Variants in RBP2 observed in about 807,000 individuals in gnomAD.
The protein encoded by RBP2 is retinol-binding protein 2.
Under a neutral mutation model 17.0 loss-of-function variants are expected in RBP2, and 17 were observed. That is an observed-to-expected ratio of 1.00 (90% CI 0.68 to 1.50). RBP2 has a LOEUF of 1.50. RBP2 is among the 40% of genes most tolerant of loss of function. The pLI, the probability that RBP2 is intolerant of heterozygous loss-of-function variation, is 0.00. For missense variants in RBP2, 158 were observed against 168.2 expected (o/e 0.94, Z 0.33); for synonymous variants, 48 against 57.1 (o/e 0.84, Z 0.72).
chr3:139,472,746 A>T (rs1255140155), intron 1 of RBP2, among the ~76,000 whole-genome samples: 1 of 152,204 alleles, frequency 6.6e-6, no homozygotes, highest in South Asian at 2.1e-4. Flanking sequence ...ATGAGAAATA[A>T]TAATTAAATG....
chr3:139,476,416 T>G lies in RBP2; in HGVS notation c.44A>C (p.Glu15Ala). 1 of 1,613,932 alleles carries G rather than the reference T, an allele frequency of 6.2e-7. No homozygotes were observed. Among genetic ancestry groups the G allele is most frequent in the Non-Finnish European group, 8.5e-7 (1 of 1,179,966 alleles). Residue 15 changes from glutamate to alanine, a missense_variant, in exon 1 of 4, where the codon GAA becomes GCA. By Grantham distance (107) the Glu-to-Ala change is moderately radical. Coordinates refer to ENST00000232217, the MANE Select transcript of RBP2 (RefSeq NM_004164.3). ...QNGTWEMESNENFEGYMKALD... is the reference protein window; with the variant it reads ...QNGTWEMESNANFEGYMKALD... ...GGCCTTCATGTAGCCCTCAAAGTTT[T>G]CATTACTCTCCATCTCCCAGGTTCC...
At chr3:139,470,465 C>G (rs557766299) in intron 1 of RBP2, among the ~76,000 whole-genome samples, 4 of 152,140 alleles carry the variant, frequency 2.6e-5, no homozygotes, top group Non-Finnish European at 5.9e-5. Context: ...TCTCTGCTTG[C>G]AATCTTGCCC....
chr3:139,470,725 C>T (rs146262605), intron 1 of RBP2, among the ~76,000 whole-genome samples: 9 of 152,030 alleles, frequency 5.9e-5, no homozygotes, highest in Admixed American at 3.3e-4. Context: ...ACCACAGGAA[C>T]GTGCTACCAG....
intron 2 of RBP2, among the ~76,000 whole-genome samples, chr3:139,461,771 C>G (rs2107871746): frequency 6.6e-6 from 1 of 152,322 alleles, no homozygotes; most frequent in Non-Finnish European, 1.5e-5. Context: ...AGGGCTGCCA[C>G]CTTTCCATGT....
intron 2 of RBP2, among the ~76,000 whole-genome samples, chr3:139,458,706 A>G (rs1378441831): frequency 6.6e-6 from 1 of 152,046 alleles, no homozygotes; most frequent in Admixed American, 6.5e-5. Flanking sequence ...ATCACACAAT[A>G]CGTGACCTTT....
intron 1 of RBP2, among the ~76,000 whole-genome samples, chr3:139,472,135 G>A (rs914854958): frequency 6.6e-6 from 1 of 151,998 alleles, no homozygotes; most frequent in Non-Finnish European, 1.5e-5. Flanking sequence ...TTCCTTCAAA[G>A]CCCCACCAAG....
At position 139,464,231 on chromosome 3, in the gene RBP2, G is replaced by T. The variant is rs542715306; in HGVS notation, c.74-1941C>A. Among the ~76,000 whole-genome samples the T allele has an allele frequency of 6.5e-4, 99 of 152,248 alleles. 1 individual carries two copies. Among genetic ancestry groups the T allele is most frequent in the South Asian group, 2.3e-3 (11 of 4,816 alleles). On this transcript the variant is annotated intron_variant, in intron 1 of 3. Coordinates refer to ENST00000232217, the MANE Select transcript of RBP2 (RefSeq NM_004164.3). ...TCCCAGCACTTTGGGAGGCCTAGGTGGGTGGATCACCTGGGGTCAGGAGTT... is the reference window on the plus strand; with the variant it reads ...TCCCAGCACTTTGGGAGGCCTAGGTTGGTGGATCACCTGGGGTCAGGAGTT...
chr3:139,459,987 T>G (rs1933132582), intron 2 of RBP2, among the ~76,000 whole-genome samples: 1 of 151,892 alleles, frequency 6.6e-6, no homozygotes, highest in Non-Finnish European at 1.5e-5. Flanking sequence ...AGAAGAAAGG[T>G]AGGAGTGTGT....
intron 3 of RBP2, among the ~76,000 whole-genome samples, chr3:139,453,731 C>T (rs927811759): frequency 2.6e-5 from 4 of 152,154 alleles, no homozygotes; most frequent in Non-Finnish European, 5.9e-5. Context: ...CACTGATCCT[C>T]GAAGGAGGAG....
chr3:139,474,956 A>G (rs1294323366), intron 1 of RBP2, among the ~76,000 whole-genome samples: 2 of 152,034 alleles, frequency 1.3e-5, no homozygotes, highest in Non-Finnish European at 2.9e-5. Context: ...TCCTCCTCCC[A>G]ACTATATTGA....
At chr3:139,457,981 A>G (rs1933035581) in intron 2 of RBP2, among the ~76,000 whole-genome samples, 1 of 152,236 alleles carries the variant, frequency 6.6e-6, no homozygotes. Context: ...CAGTTTTACA[A>G]GAGAATACCT....
intron 2 of RBP2, among the ~76,000 whole-genome samples, chr3:139,456,813 A>G (rs1282286660): frequency 6.6e-6 from 1 of 152,212 alleles, no homozygotes; most frequent in Non-Finnish European, 1.5e-5. Context: ...TCTAAAGAAA[A>G]AAAAGGTCTC....
chr3:139,473,744 G>T (rs963407853), intron 1 of RBP2, among the ~76,000 whole-genome samples: 1 of 152,168 alleles, frequency 6.6e-6, no homozygotes, highest in Admixed American at 6.5e-5. Context: ...AGCCCCCTGA[G>T]ACCTGTCTTC....
intron 1 of RBP2, among the ~76,000 whole-genome samples, chr3:139,462,558 A>AACACAC (rs59601422): frequency 0.15 from 18,787 of 121,230 alleles, 2,095 homozygotes; most frequent in East Asian, 0.55. Flanking sequence ...GCAGCTCCCC[A>AACACAC]ACACACACAC....
chr3:139,460,108 C>T, intron 2 of RBP2, among the ~76,000 whole-genome samples: 1 of 152,202 alleles, frequency 6.6e-6, no homozygotes, highest in East Asian at 1.9e-4. Flanking sequence ...GCCTGCTTTT[C>T]AAGAGCCCAC....
intron 2 of RBP2, among the ~76,000 whole-genome samples, chr3:139,456,155 TGTGCAAACTAC>T (rs1192406836): frequency 1.3e-5 from 2 of 152,184 alleles, no homozygotes; most frequent in Non-Finnish European, 2.9e-5. Context: ...CTTCCAAGTA[TGTGCAAACTAC>T]ATTATGCCTC....
intron 1 of RBP2, chr3:139,466,800 C>G (rs1418312590): frequency 2.0e-5 from 3 of 152,188 alleles, no homozygotes; most frequent in Non-Finnish European, 4.4e-5. Flanking sequence ...ATCTCACAGG[C>G]CAATTTCCTT....
chr3:139,462,708 A>C (rs1314372508), intron 1 of RBP2, among the ~76,000 whole-genome samples: 1 of 152,232 alleles, frequency 6.6e-6, no homozygotes, highest in Non-Finnish European at 1.5e-5. Flanking sequence ...CACTAGTTTT[A>C]ATCATGGATA....
At chr3:139,472,283 G>C (rs1933594241) in intron 1 of RBP2, among the ~76,000 whole-genome samples, 1 of 152,364 alleles carries the variant, frequency 6.6e-6, no homozygotes, top group South Asian at 2.1e-4. Context: ...TGGCCCATCT[G>C]TGGCAGATTA....
Sources: gnomAD v4.1 joint callset for allele counts (sites outside exome capture counted in the v4.1 genomes callset) on GRCh38, gnomAD v4.1.1 for gene constraint, MANE v1.5 for transcripts, NCBI Gene and HGNC (gene_info 2026-07-23, HGNC 2026-07-21) for gene names.